Variants in ACYP2 observed in about 807,000 individuals in gnomAD.
ACYP2 encodes the protein acylphosphatase-2.
ACYP2 carries 12 observed loss-of-function variants against 11.2 expected under a neutral mutation model. That is an observed-to-expected ratio of 1.08 (90% CI 0.69 to 1.74). The LOEUF is 1.74. Among genes scored for constraint, ACYP2 ranks in the 40% most tolerant of loss-of-function variants. The pLI is 0.00. For missense variants in ACYP2, 134 were observed against 101.9 expected (o/e 1.31, Z -1.35); for synonymous variants, 43 against 32.2 (o/e 1.33, Z -1.13).
chr2:54,046,788 G>T (rs1432625779), intron 2 of ACYP2, among the ~76,000 whole-genome samples: 2 of 152,090 alleles, frequency 1.3e-5, no homozygotes, highest in East Asian at 3.9e-4. Context: ...AATAATTTTT[G>T]AATAAGGGGG....
At chr2:54,030,992 C>G (rs931763574) in intron 2 of ACYP2, among the ~76,000 whole-genome samples, 3 of 152,134 alleles carry the variant, frequency 2.0e-5, no homozygotes, top group Non-Finnish European at 2.9e-5. Context: ...CCTCAAGAAA[C>G]TCATCCTCTA....
chr2:54,235,790 C>T (rs1034325287), intron 6 of ACYP2, among the ~76,000 whole-genome samples: 4 of 152,174 alleles, frequency 2.6e-5, no homozygotes, highest in South Asian at 2.1e-4. Context: ...ACTGTATGCA[C>T]GTAATATGCA....
At chr2:54,300,840 C>G (rs1689696167) in intron 6 of ACYP2, among the ~76,000 whole-genome samples, 1 of 152,216 alleles carries the variant, frequency 6.6e-6, no homozygotes, top group African/African-American at 2.4e-5. Context: ...GCCTCTTTTC[C>G]TACACCCTAA....
chr2:54,242,330 T>G (rs1055354725), intron 6 of ACYP2, among the ~76,000 whole-genome samples: 11 of 152,242 alleles, frequency 7.2e-5, no homozygotes, highest in Non-Finnish European at 1.5e-4. Context: ...GAGATGACTT[T>G]GCTCATCATT....
intron 6 of ACYP2, chr2:54,255,698 G>A (rs1304670960): frequency 4.3e-6 from 7 of 1,613,728 alleles, no homozygotes; most frequent in South Asian, 3.3e-5. Flanking sequence ...CACTCCTCAG[G>A]CTTCACGTCC....
chr2:54,246,206 A>C (rs1572986294), intron 6 of ACYP2, among the ~76,000 whole-genome samples: 1 of 151,960 alleles, frequency 6.6e-6, no homozygotes, highest in African/African-American at 2.4e-5. Flanking sequence ...ATTCTGTTCT[A>C]CTGATCTGTG....
chr2:54,118,809 G>A (rs1679969742), intron 4 of ACYP2, among the ~76,000 whole-genome samples: 1 of 152,130 alleles, frequency 6.6e-6, no homozygotes, highest in South Asian at 2.1e-4. Context: ...TATTGATCAA[G>A]GCATAGTATG....
intron 4 of ACYP2, among the ~76,000 whole-genome samples, chr2:54,066,788 C>T (rs1004893360): frequency 1.3e-5 from 2 of 152,186 alleles, no homozygotes; most frequent in Non-Finnish European, 1.5e-5. Flanking sequence ...AAGAAGCCAT[C>T]AGGATCTCTG....
At chr2:54,230,722 ACT>A (rs1347335424) in intron 6 of ACYP2, among the ~76,000 whole-genome samples, 1 of 151,904 alleles carries the variant, frequency 6.6e-6, no homozygotes, top group Admixed American at 6.6e-5. Flanking sequence ...CTTTAGACAA[ACT>A]CCACCAATTG....
Position 54,046,124 on chromosome 2 carries a change from C to A in ACYP2, c.63-4834C>A, listed in dbSNP as rs185846445. Among the ~76,000 whole-genome samples the A allele has an allele frequency of 1.7e-4, 22 of 132,626 alleles. No homozygotes were observed. In the East Asian group the frequency reaches 5.1e-3, roughly 31 times the overall value. The allele number at this position is 132,626 out of a possible 152,430, so 87.0% of individuals were successfully genotyped here. ...GGCAGAGGTTGCAGTGAGCAGTGAT[C>A]ATGCCACTGCACTCTAGCTTGGGTG... On this transcript the variant is annotated intron_variant, in intron 2 of 6. Coordinates refer to ENST00000607452, the MANE Select transcript of ACYP2 (RefSeq NM_001320586.2).
chr2:54,243,481 T>G (rs765396116), intron 6 of ACYP2, among the ~76,000 whole-genome samples: 2 of 152,154 alleles, frequency 1.3e-5, no homozygotes, highest in Non-Finnish European at 2.9e-5. Flanking sequence ...CTTATTTATT[T>G]ATTTATTTGT....
intron 6 of ACYP2, among the ~76,000 whole-genome samples, chr2:54,177,935 C>T (rs1450306979): frequency 9.2e-5 from 13 of 141,634 alleles, no homozygotes; most frequent in Non-Finnish European, 3.0e-5. Context: ...GATGGAGTCT[C>T]GCCCTGTTAC....
At chr2:54,102,505 G>T (rs918215600) in intron 4 of ACYP2, among the ~76,000 whole-genome samples, 3 of 151,864 alleles carry the variant, frequency 2.0e-5, no homozygotes, top group Admixed American at 2.0e-4. Context: ...GTTGCAAGGA[G>T]GTCTAGGCTT....
In ACYP2 at chr2:54,138,846, G is replaced by A. The variant is rs1484548772; in HGVS notation, c.404+98G>A. ...CTTGCTCTGTTGCCCAGGTTGGAGT[G>A]CAGTGGCACAATCTCGGCTCACTAC... On this transcript the variant is annotated intron_variant, in intron 6 of 6. Transcript: ENST00000607452. 5.4e-6 allele frequency: 5 copies of A among 930,172 alleles called. No homozygotes were observed. In the African/African-American group the frequency reaches 8.3e-5, roughly 15 times the overall value. 57.6% of individuals were successfully genotyped at this position (930,172 alleles called of 1,614,324 possible).
At chr2:54,089,752 C>T (rs1029192681) in intron 4 of ACYP2, among the ~76,000 whole-genome samples, 8 of 151,492 alleles carry the variant, frequency 5.3e-5, no homozygotes, top group African/African-American at 1.9e-4. Flanking sequence ...AACCAAACAG[C>T]AATTACTTTT....
chr2:54,264,517 A>G (rs909888457), intron 6 of ACYP2, among the ~76,000 whole-genome samples: 1 of 152,230 alleles, frequency 6.6e-6, no homozygotes. Flanking sequence ...AGGCAGAAGC[A>G]GGAGACTAGC....
chr2:54,010,424 C>T (rs1459206220), intron 2 of ACYP2, among the ~76,000 whole-genome samples: 1 of 151,526 alleles, frequency 6.6e-6, no homozygotes, highest in Non-Finnish European at 1.5e-5. Flanking sequence ...GTGGAGGTTG[C>T]AGTGAGCTGA....
chr2:54,006,794 C>T (rs894878958), intron 2 of ACYP2, among the ~76,000 whole-genome samples: 6 of 152,004 alleles, frequency 3.9e-5, no homozygotes, highest in Non-Finnish European at 8.8e-5. Flanking sequence ...ATTGTGACTT[C>T]TGGCACATGA....
chr2:53,996,398 C>G (rs934168221), intron 2 of ACYP2, among the ~76,000 whole-genome samples: 1 of 152,048 alleles, frequency 6.6e-6, no homozygotes, highest in South Asian at 2.1e-4. Flanking sequence ...GATCTGGATG[C>G]TGATCTGATA....
Sources: gnomAD v4.1 joint callset for allele counts (sites outside exome capture counted in the v4.1 genomes callset) on GRCh38, gnomAD v4.1.1 for gene constraint, MANE v1.5 for transcripts, NCBI Gene and HGNC (gene_info 2026-07-23, HGNC 2026-07-21) for gene names.